ZBBX: variants seen among roughly 807,000 people sequenced by gnomAD.
The protein encoded by ZBBX is zinc finger B-box domain-containing protein 1.
ZBBX carries 101 observed loss-of-function variants against 108.5 expected under a neutral mutation model. The ratio of observed to expected loss-of-function variants is 0.93; its 90% confidence interval spans 0.79 to 1.10. ZBBX has a LOEUF of 1.10. Among genes scored for constraint, ZBBX ranks in the 50% least tolerant of loss-of-function variants. ZBBX has a pLI of 0.00. For missense variants in ZBBX, 1,009 were observed against 941.4 expected (o/e 1.07, Z -0.94); for synonymous variants, 356 against 323.4 (o/e 1.10, Z -1.08).
intron 1 of ZBBX, among the ~76,000 whole-genome samples, chr3:167,396,345 G>A (rs897636089): frequency 6.6e-6 from 1 of 151,826 alleles, no homozygotes; most frequent in African/African-American, 2.4e-5. Flanking sequence ...AGAGAATCAG[G>A]ATTTCTATGC....
At chr3:167,376,396 G>T (rs766015756) in intron 2 of ZBBX, among the ~76,000 whole-genome samples, 52 of 152,116 alleles carry the variant, frequency 3.4e-4, no homozygotes, top group Non-Finnish European at 6.0e-4. Context: ...CTGGCCTCTT[G>T]CCTACAATTG....
chr3:167,323,991 A>C (rs2108336958), intron 11 of ZBBX, among the ~76,000 whole-genome samples: 2 of 152,288 alleles, frequency 1.3e-5, no homozygotes, highest in Non-Finnish European at 2.9e-5. Flanking sequence ...GAAAACTAGA[A>C]ATTTAAAGCA....
intron 1 of ZBBX, among the ~76,000 whole-genome samples, chr3:167,406,521 C>T (rs1748592741): frequency 6.6e-6 from 1 of 152,120 alleles, no homozygotes; most frequent in African/African-American, 2.4e-5. Context: ...GAGTTCAAGA[C>T]CAGCCTTGGC....
At chr3:167,404,312 G>A (rs1028747651) in intron 1 of ZBBX, among the ~76,000 whole-genome samples, 11 of 152,066 alleles carry the variant, frequency 7.2e-5, no homozygotes, top group Admixed American at 3.3e-4. Context: ...AAAAATAAGC[G>A]AATCTACAGA....
intron 7 of ZBBX, 29 bp from the exon 8 acceptor site, chr3:167,360,008 A>T (rs745454605): frequency 4.6e-5 from 59 of 1,287,244 alleles, no homozygotes; most frequent in Non-Finnish European, 2.6e-5. Flanking sequence ...TATTACTCCA[A>T]TCATTTAAAA....
At chr3:167,217,411 A>G in the ZBBX span, among the ~76,000 whole-genome samples, 1 of 152,188 alleles carries the variant, frequency 6.6e-6, no homozygotes, top group East Asian at 1.9e-4. Flanking sequence ...CAAAACCACA[A>G]TGAGATACCA....
In ZBBX at chr3:167,337,008, T is replaced by C. The variant is rs536446641; in HGVS notation, c.529-3023A>G. On this transcript the variant is annotated intron_variant, in intron 9 of 21. Coordinates refer to ENST00000675490, the MANE Select transcript of ZBBX (RefSeq NM_001199201.2). ...GTACGTTTTATTCTATATCTATGAG[T>C]ATGGGTTTGGAACTCAACAGACTTA... 3.3e-5 allele frequency among the ~76,000 whole-genome samples: 5 copies of C among 152,252 alleles called. No individual in the cohort carries two copies. The East Asian group carries it at 9.7e-4, about 29-fold the overall frequency.
At chr3:167,403,472 T>C (rs1390859864) in intron 1 of ZBBX, among the ~76,000 whole-genome samples, 1 of 152,056 alleles carries the variant, frequency 6.6e-6, no homozygotes, top group Non-Finnish European at 1.5e-5. Flanking sequence ...CAGTAGGAAA[T>C]TCAGATCTGC....
the ZBBX span, among the ~76,000 whole-genome samples, chr3:167,183,376 C>T: frequency 0.029 from 4,451 of 152,274 alleles, 90 homozygotes; most frequent in Non-Finnish European, 0.046. Context: ...ACCATTGCTC[C>T]GGCGACCCTT....
intron 18 of ZBBX, among the ~76,000 whole-genome samples, chr3:167,289,795 GT>G (rs1337273854): frequency 6.6e-6 from 1 of 152,162 alleles, no homozygotes; most frequent in Non-Finnish European, 1.5e-5. Flanking sequence ...TGGCTCATCG[GT>G]TCCCACCCTC....
chr3:167,254,193 A>AT (rs377764309), intron 20 of ZBBX, among the ~76,000 whole-genome samples: 1 of 152,096 alleles, frequency 6.6e-6, no homozygotes, highest in Non-Finnish European at 1.5e-5. Context: ...ACACTGACAT[A>AT]TTTTTTTGTA....
intron 20 of ZBBX, among the ~76,000 whole-genome samples, chr3:167,250,190 A>C (rs1326763902): frequency 2.6e-5 from 4 of 152,188 alleles, no homozygotes; most frequent in African/African-American, 9.7e-5. Context: ...ACCTCCTGAA[A>C]GTGGCCAACT....
chr3:167,330,016 T>C (rs901543042), intron 10 of ZBBX, among the ~76,000 whole-genome samples: 3 of 152,180 alleles, frequency 2.0e-5, no homozygotes, highest in Non-Finnish European at 4.4e-5. Context: ...CAAAACCACA[T>C]TATTCAAAAT....
chr3:167,269,680 T>C (rs1454095729), intron 20 of ZBBX, among the ~76,000 whole-genome samples: 1 of 152,216 alleles, frequency 6.6e-6, no homozygotes, highest in Non-Finnish European at 1.5e-5. Context: ...GAGCCTTGTA[T>C]GTCTCTTTAT....
chr3:167,375,091 G>A (rs1008075196), intron 2 of ZBBX, among the ~76,000 whole-genome samples: 9 of 152,164 alleles, frequency 5.9e-5, no homozygotes, highest in Non-Finnish European at 1.0e-4. Context: ...CAGGGAAAAC[G>A]TAAGTCTAGA....
chr3:167,204,275 T>A, the ZBBX span, among the ~76,000 whole-genome samples: 1 of 143,668 alleles, frequency 7.0e-6, no homozygotes, highest in Non-Finnish European at 1.5e-5. Context: ...AGTTTTAGGG[T>A]ACATGTGCAC....
At chr3:167,198,540 C>T in the ZBBX span, among the ~76,000 whole-genome samples, 2 of 151,952 alleles carry the variant, frequency 1.3e-5, no homozygotes, top group Admixed American at 1.3e-4. Flanking sequence ...CTATTTCAAA[C>T]AGAAAAATGA....
chr3:167,313,055 A>C, intron 16 of ZBBX, among the ~76,000 whole-genome samples: 1 of 152,202 alleles, frequency 6.6e-6, no homozygotes, highest in African/African-American at 2.4e-5. Context: ...AGGAAAATGA[A>C]GTCTAAGCAA....
rs141039407 is a variant in ZBBX, at chr3:167,369,455, C to T, written c.69-881G>A. ...AAGCGGGCCAAGGATATGTCCTAAG[C>T]GGACACAATCGAGGAAGATATACAG... On this transcript the variant is annotated intron_variant, in intron 4 of 21. Coordinates refer to ENST00000675490, the MANE Select transcript of ZBBX (RefSeq NM_001199201.2). 4.2e-4 allele frequency among the ~76,000 whole-genome samples: 64 copies of T among 152,248 alleles called. 2 individuals are homozygous for T. In the South Asian group the frequency reaches 0.01, roughly 24 times the overall value.
Sources: gnomAD v4.1 joint callset for allele counts (sites outside exome capture counted in the v4.1 genomes callset) on GRCh38, gnomAD v4.1.1 for gene constraint, MANE v1.5 for transcripts, NCBI Gene and HGNC (gene_info 2026-07-23, HGNC 2026-07-21) for gene names.